The following PITPNM3 variants were observed in gnomAD, a reference collection of about 807,000 sequenced individuals.
PITPNM3 encodes the protein membrane-associated phosphatidylinositol transfer protein 3.
In PITPNM3, 26 loss-of-function variants were observed where a neutral mutation model predicts 102.0. That is an observed-to-expected ratio of 0.25 (90% CI 0.19 to 0.35). The LOEUF is 0.35. Among genes scored for constraint, PITPNM3 ranks in the 10% least tolerant of loss-of-function variants. The probability of loss-of-function intolerance (pLI) is 1.00; values close to 1 mark genes in which losing one functional copy is unlikely to be tolerated. For synonymous variants in PITPNM3, 578 were observed against 558.6 expected, an observed-to-expected ratio of 1.03 and a Z score of -0.49; for missense variants, 1,083 against 1,346.1, an observed-to-expected ratio of 0.80 and a Z score of 3.06.
At chr17:6,474,657 G>A in intron 9 of PITPNM3, 53 bp from the exon 10 acceptor site, 1 of 1,526,210 alleles carries the variant, frequency 6.6e-7, no homozygotes, top group Non-Finnish European at 8.8e-7. Context: ...GACCGAGAAT[G>A]CGGGAGTGTT....
intron 3 of PITPNM3, among the ~76,000 whole-genome samples, chr17:6,504,708 T>G (rs976089177): frequency 6.6e-6 from 1 of 152,162 alleles, no homozygotes; most frequent in Admixed American, 6.5e-5. Context: ...AGCCCTTGAG[T>G]GACACTGCAT....
intron 1 of PITPNM3, among the ~76,000 whole-genome samples, chr17:6,549,888 T>A (rs1405046074): frequency 6.6e-6 from 1 of 152,156 alleles, no homozygotes; most frequent in Admixed American, 6.5e-5. Flanking sequence ...AGGAGGCACG[T>A]GCTCTCCACG....
chr17:6,516,522 C>T (rs1490926031), intron 3 of PITPNM3, among the ~76,000 whole-genome samples: 2 of 148,840 alleles, frequency 1.3e-5, no homozygotes, highest in South Asian at 2.1e-4. Context: ...CGAGATGGTG[C>T]CACTGCACTC....
chr17:6,509,219 C>T (rs537376515), intron 3 of PITPNM3, among the ~76,000 whole-genome samples: 38 of 152,304 alleles, frequency 2.5e-4, no homozygotes, highest in Non-Finnish European at 4.0e-4. Context: ...GTCCCGCTAA[C>T]GGTTTCCTGA....
chr17:6,549,073 T>C (rs1910175636), intron 1 of PITPNM3, among the ~76,000 whole-genome samples: 1 of 151,970 alleles, frequency 6.6e-6, no homozygotes, highest in African/African-American at 2.4e-5. Flanking sequence ...AACCTTCCCC[T>C]GGTAGGTGGT....
intron 1 of PITPNM3, among the ~76,000 whole-genome samples, chr17:6,548,116 T>C (rs1910122336): frequency 6.6e-6 from 1 of 152,068 alleles, no homozygotes; most frequent in African/African-American, 2.4e-5. Flanking sequence ...GAGCAAACAG[T>C]AGGAGGGTAG....
rs952571774 is a variant in PITPNM3 at position 6,556,069 on chromosome 17, C to T, written c.22+316G>A. ...CCTTCGGTGGCGAAGCCCGGGTCTG[C>T]CCGGGGCCTCCGCGGGGTGCAGAGG... On this transcript the variant is annotated intron_variant, in intron 1 of 19. Transcript: ENST00000262483. The surrounding 1 kb of genome is among the most constrained non-coding windows in gnomAD (Gnocchi z 5.2). 7.2e-5 allele frequency among the ~76,000 whole-genome samples: 11 copies of T among 152,100 alleles called. No homozygotes were observed. The highest frequency in any genetic ancestry group is 1.3e-4 in the Non-Finnish European group (9 of 67,974).
intron 3 of PITPNM3, 30 bp from the exon 4 acceptor site, chr17:6,503,604 A>T: frequency 6.2e-7 from 1 of 1,602,124 alleles, no homozygotes; most frequent in Non-Finnish European, 8.5e-7. Flanking sequence ...ACATGAGCAG[A>T]TCCTTGACAC....
At chr17:6,464,600 T>G in intron 15 of PITPNM3, 55 bp downstream of exon 15, 1 of 1,516,288 alleles carries the variant, frequency 6.6e-7, no homozygotes, top group Non-Finnish European at 9.1e-7. Context: ...TGTGGCTCCA[T>G]GAGGCACCTG....
intron 1 of PITPNM3, among the ~76,000 whole-genome samples, chr17:6,555,081 G>T (rs1190296404): frequency 6.6e-6 from 1 of 152,178 alleles, no homozygotes; most frequent in African/African-American, 2.4e-5. Flanking sequence ...GTGGAGGAAA[G>T]AGGGAGGCAA....
chr17:6,482,046 C>CTCTCTCTCTCTCTCTCTCTCTCTGTCTG (rs1567670397), intron 6 of PITPNM3, among the ~76,000 whole-genome samples: 2 of 92,242 alleles, frequency 2.2e-5, no homozygotes, highest in Non-Finnish European at 5.2e-5. Flanking sequence ...GTCTGTCTCT[C>CTCTCTCTCTCTCTCTCTCTCTCTGTCTG]TCTCTCTCTC....
chr17:6,498,715 G>A (rs1363470306), intron 4 of PITPNM3, among the ~76,000 whole-genome samples: 2 of 152,128 alleles, frequency 1.3e-5, no homozygotes, highest in East Asian at 3.9e-4. Context: ...ATTTGATAGT[G>A]GATGGTGACA....
chr17:6,467,740 C>T (rs1281069169), intron 14 of PITPNM3, among the ~76,000 whole-genome samples: 1 of 152,166 alleles, frequency 6.6e-6, no homozygotes, highest in Non-Finnish European at 1.5e-5. Flanking sequence ...ATCTATGCAC[C>T]TCAAACTCCT....
Position 6,455,273 on chromosome 17 carries a change from C to A in PITPNM3, c.*65G>T. 1 of 1,504,354 alleles carries A rather than the reference C, an allele frequency of 6.6e-7. No individual in the cohort carries two copies. Among genetic ancestry groups the A allele is most frequent in the South Asian group, 1.3e-5 (1 of 77,334 alleles). 93.2% of individuals were successfully genotyped at this position (1,504,354 alleles called of 1,614,324 possible). Reference sequence around the variant, plus strand: ...CGCCTGTGTCGGGGAGAGGGCAGCCCCCTCCCGTCCCCGCAGGCAGCCTGA... The same window carrying A: ...CGCCTGTGTCGGGGAGAGGGCAGCCACCTCCCGTCCCCGCAGGCAGCCTGA... On this transcript the variant is annotated 3_prime_UTR_variant, in exon 20 of 20. Transcript: ENST00000262483.
intron 3 of PITPNM3, among the ~76,000 whole-genome samples, chr17:6,524,241 G>A (rs1233830045): frequency 2.0e-5 from 3 of 152,168 alleles, no homozygotes; most frequent in East Asian, 1.9e-4. Context: ...TTGCCCACTC[G>A]GCAACTCTGG....
Position 6,452,826 on chromosome 17 carries a change from T to C in PITPNM3, c.*2512A>G, listed in dbSNP as rs1913903457. 1 of 152,200 alleles carries C rather than the reference T, an allele frequency of 6.6e-6. No individual in the cohort carries two copies. The highest frequency in any genetic ancestry group is 2.1e-4 in the South Asian group (1 of 4,834). 9.4% of individuals were successfully genotyped at this position (152,200 alleles called of 1,614,324 possible). A position where few individuals can be genotyped will look rare whatever the true frequency, so the allele number is the denominator to read the frequency against. On this transcript the variant is annotated 3_prime_UTR_variant, in exon 20 of 20. Transcript: ENST00000262483. ...TGATTGCTGCTTGGAACCAGAGCTG[T>C]TTCCAAAAGGAAGGGGTGGTGGCCC...
chr17:6,456,671 C>T (rs2150712552), intron 19 of PITPNM3, among the ~76,000 whole-genome samples: 1 of 152,264 alleles, frequency 6.6e-6, no homozygotes, highest in Non-Finnish European at 1.5e-5. Flanking sequence ...GAGACGCCAC[C>T]ATCTCCTGAC....
At chr17:6,522,286 GCA>G (rs35785551) in intron 3 of PITPNM3, among the ~76,000 whole-genome samples, 81,584 of 148,994 alleles carry the variant, frequency 0.55, 23,902 homozygotes, top group Non-Finnish European at 0.67. Flanking sequence ...TTTAGTGTGC[GCA>G]CACACACACA....
At chr17:6,555,243 C>T (rs573780630) in intron 1 of PITPNM3, among the ~76,000 whole-genome samples, 135 of 152,318 alleles carry the variant, frequency 8.9e-4, no homozygotes, top group East Asian at 4.6e-3. Context: ...GGGGACAGAA[C>T]GGGAGTGCAT....
Sources: allele counts gnomAD v4.1 joint callset (sites outside exome capture counted in the v4.1 genomes callset), GRCh38; gene constraint gnomAD v4.1.1; non-coding constraint Gnocchi (gnomAD v3.1); transcripts MANE v1.5; gene names NCBI Gene and HGNC (gene_info 2026-07-23, HGNC 2026-07-21).